HMCN1: variants seen among roughly 807,000 people sequenced by gnomAD.
HMCN1 encodes the protein hemicentin-1.
A neutral mutation model predicts 625.9 loss-of-function variants in HMCN1; 321 were observed. That is an observed-to-expected ratio of 0.51 (90% CI 0.47 to 0.56). The LOEUF (loss-of-function observed/expected upper bound fraction) is 0.56. Ranked by LOEUF, HMCN1 falls within the 20% of genes least tolerant of loss-of-function variation. The pLI is 0.00. For missense variants in HMCN1, 6,588 were observed against 6,887.3 expected (o/e 0.96, Z 1.54); for synonymous variants, 2,425 against 2,417.6 (o/e 1.00, Z -0.09).
intron 68 of HMCN1, among the ~76,000 whole-genome samples, chr1:186,098,048 A>C (rs1558221682): frequency 6.6e-6 from 1 of 152,184 alleles, no homozygotes; most frequent in Non-Finnish European, 1.5e-5. Context: ...TACAAAAATC[A>C]ACTCAAAATG....
At chr1:185,922,532 A>C (rs1277552189) in intron 7 of HMCN1, 33 bp downstream of exon 7, 3 of 1,558,294 alleles carry the variant, frequency 1.9e-6, no homozygotes, top group African/African-American at 2.7e-5. Context: ...AATTGACATA[A>C]TAGATATCCA....
In HMCN1 at chr1:186,178,442, A is replaced by G. The variant is rs1228521099; in HGVS notation, c.15970A>G (p.Lys5324Glu). The change falls in exon 104 of 107, where the codon AAA (lysine) becomes GAA (glutamate). Residue 5324 changes from lysine to glutamate, a missense_variant. Around this residue, in one of 3 missense-constraint regions of HMCN1, gnomAD observed 1,954 missense variants for 2,013.1 expected, o/e 0.97. Transcript: ENST00000271588. Reference sequence around the variant, plus strand: ...CATTAATGAATGTGAACAAGTGCCTAAACCTTGTGCACATCAGTGCTCCAA... The same window carrying G: ...CATTAATGAATGTGAACAAGTGCCTGAACCTTGTGCACATCAGTGCTCCAA... ...MDINECEQVP[K>E]PCAHQCSNTP... 1.9e-6 allele frequency: 3 copies of G among 1,613,778 alleles called. No homozygotes were observed. The highest frequency in any genetic ancestry group is 2.7e-5 in the African/African-American group (2 of 74,896).
At chr1:186,184,325 C>T (rs758877437) in intron 105 of HMCN1, among the ~76,000 whole-genome samples, 22 of 152,188 alleles carry the variant, frequency 1.4e-4, no homozygotes, top group Non-Finnish European at 3.1e-4. Context: ...GAACCAAAGA[C>T]TGCTTTTTAT....
chr1:186,164,495 G>A lies in HMCN1; in HGVS notation c.15257-616G>A, dbSNP rs547325027. ...CCTGACCTTGTGATCCGCCCGCCTC[G>A]GCCTCCCAAAGTGCTGGGATTACAG... On this transcript the variant is annotated intron_variant, in intron 97 of 106. Transcript: ENST00000271588. Among the ~76,000 whole-genome samples, 152 of 152,038 alleles carry A rather than the reference G, an allele frequency of 1.0e-3. 1 individual carries two copies. Among genetic ancestry groups the A allele is most frequent in the African/African-American group, 3.3e-3 (138 of 41,476 alleles).
At chr1:186,033,415 C>G (rs974481654) in intron 36 of HMCN1, among the ~76,000 whole-genome samples, 1 of 152,054 alleles carries the variant, frequency 6.6e-6, no homozygotes, top group Non-Finnish European at 1.5e-5. Context: ...TAACCAAAAC[C>G]ACCTGTATCC....
intron 4 of HMCN1, among the ~76,000 whole-genome samples, chr1:185,893,043 G>A (rs143815248): frequency 0.063 from 9,647 of 152,230 alleles, 1,071 homozygotes; most frequent in African/African-American, 0.22. Context: ...TCGGAAAAGC[G>A]CAGTATTCGG....
chr1:186,006,876 CTATTAA>C (rs1176848598), intron 29 of HMCN1, among the ~76,000 whole-genome samples: 1 of 151,710 alleles, frequency 6.6e-6, no homozygotes, highest in Non-Finnish European at 1.5e-5. Flanking sequence ...TACTGGATTT[CTATTAA>C]TATTATTATA....
intron 89 of HMCN1, among the ~76,000 whole-genome samples, chr1:186,143,118 T>C (rs1650075509): frequency 6.6e-6 from 1 of 152,200 alleles, no homozygotes; most frequent in Admixed American, 6.5e-5. Context: ...TGTGACTATG[T>C]TTTTGTCTAC....
chr1:185,820,645 T>C (rs1660128204), intron 1 of HMCN1, among the ~76,000 whole-genome samples: 1 of 152,154 alleles, frequency 6.6e-6, no homozygotes, highest in Non-Finnish European at 1.5e-5. Context: ...TATTTAAACT[T>C]GTGGTGCATA....
At chr1:185,917,061 G>A (rs1409153343) in intron 6 of HMCN1, among the ~76,000 whole-genome samples, 2 of 152,144 alleles carry the variant, frequency 1.3e-5, no homozygotes, top group Non-Finnish European at 2.9e-5. Flanking sequence ...ATGACTCATG[G>A]AGAGTCAATG....
At chr1:185,886,558 A>G (rs1003693834) in intron 4 of HMCN1, among the ~76,000 whole-genome samples, 3 of 151,950 alleles carry the variant, frequency 2.0e-5, no homozygotes, top group African/African-American at 7.2e-5. Context: ...CTCATCTTAA[A>G]TCAAATGTTT....
intron 4 of HMCN1, among the ~76,000 whole-genome samples, chr1:185,866,139 T>C (rs540799331): frequency 6.6e-6 from 1 of 152,262 alleles, no homozygotes; most frequent in Non-Finnish European, 1.5e-5. Flanking sequence ...TTGTAGTTGT[T>C]CAGTAAGGTC....
intron 87 of HMCN1, 44 bp from the exon 88 acceptor site, chr1:186,137,450 ATGTT>A (rs763104483): frequency 6.3e-7 from 1 of 1,589,536 alleles, no homozygotes; most frequent in Non-Finnish European, 8.6e-7. Flanking sequence ...CTCCTTTACA[ATGTT>A]TTATTTGCAA....
At position 185,982,471 on chromosome 1, in the gene HMCN1, C is replaced by T. The variant is rs555206332; in HGVS notation, c.2790+82C>T. On this transcript the variant is annotated intron_variant, in intron 18 of 106. Transcript: ENST00000271588. Reference sequence around the variant, plus strand: ...TTTTTTTTTTTCTTTGAGACAGTTTCATTCTGTCACCTAGGCTGGAGTGCA... The same window carrying T: ...TTTTTTTTTTTCTTTGAGACAGTTTTATTCTGTCACCTAGGCTGGAGTGCA... 371 of 1,304,872 alleles carry T rather than the reference C, an allele frequency of 2.8e-4. 1 individual carries two copies. In the African/African-American group the frequency reaches 5.1e-3, roughly 18 times the overall value. 80.8% of individuals were successfully genotyped at this position (1,304,872 alleles called of 1,614,324 possible).
chr1:185,941,654 T>C (rs1668087685), intron 11 of HMCN1, among the ~76,000 whole-genome samples: 1 of 152,208 alleles, frequency 6.6e-6, no homozygotes, highest in Admixed American at 6.5e-5. Context: ...ACTGTCTCCA[T>C]GGTTAGAGGC....
At chr1:186,088,118 G>T (rs548471719) in intron 61 of HMCN1, 27 bp from the exon 62 acceptor site, 35 of 1,587,476 alleles carry the variant, frequency 2.2e-5, no homozygotes, top group Middle Eastern at 1.7e-4. Context: ...CTGTTTTTTT[G>T]TTTGTTTGTT....
At position 185,989,616 on chromosome 1, in the gene HMCN1, C is replaced by T. The variant is rs757058220; in HGVS notation, c.3177C>T (p.Tyr1059=). Residue 1059 remains tyrosine, a synonymous_variant, in exon 21 of 107, where the codon TAC becomes TAT. Transcript: ENST00000271588. ...GCACTGCCACCAATACAGCCGGCTA[C>T]GCCAAAAGGAAAGTGCAGCTAACAG... The part of the protein sequence containing the change: ...YVCTATNTAG[Y]AKRKVQLTVY... The T allele has an allele frequency of 2.9e-5, 46 of 1,613,920 alleles. No homozygotes were observed. The Admixed American group carries it at 3.8e-4, about 13-fold the overall frequency.
chr1:186,172,962 A>C lies in HMCN1; in HGVS notation c.15814+831A>C, dbSNP rs140458977. Reference sequence around the variant, plus strand: ...CATGAAAATGATCACATTTAAATATAGGTTGGGATGTTACTAGATGGAGAT... The same window carrying C: ...CATGAAAATGATCACATTTAAATATCGGTTGGGATGTTACTAGATGGAGAT... On this transcript the variant is annotated intron_variant, in intron 102 of 106. Coordinates refer to ENST00000271588, the MANE Select transcript of HMCN1 (RefSeq NM_031935.3). 3.2e-3 allele frequency among the ~76,000 whole-genome samples: 490 copies of C among 152,260 alleles called. 6 individuals are homozygous for C. The highest frequency in any genetic ancestry group is 0.011 in the African/African-American group (466 of 41,566).
chr1:185,931,915 C>T (rs1433626134), intron 10 of HMCN1, among the ~76,000 whole-genome samples: 1 of 152,162 alleles, frequency 6.6e-6, no homozygotes, highest in Non-Finnish European at 1.5e-5. Flanking sequence ...TCTAAAGTCA[C>T]ACAACTAATT....
Sources: allele counts gnomAD v4.1 joint callset (sites outside exome capture counted in the v4.1 genomes callset), GRCh38; gene constraint gnomAD v4.1.1; regional missense constraint gnomAD v4.1.1; transcripts MANE v1.5; gene names NCBI Gene and HGNC (gene_info 2026-07-23, HGNC 2026-07-21).